Variants in GABRG3 observed in about 807,000 individuals in gnomAD.
GABRG3 encodes gamma-aminobutyric acid type A receptor subunit gamma3, also known as gamma-aminobutyric acid receptor subunit gamma-3.
In GABRG3, 25 loss-of-function variants were observed where a neutral mutation model predicts 48.8. The observed-to-expected ratio is 0.51, with a 90% CI of 0.37 to 0.72. The LOEUF is 0.72. Ranked by LOEUF, GABRG3 falls within the 30% of genes least tolerant of loss-of-function variation. GABRG3 has a pLI of 0.00. For synonymous variants in GABRG3, 227 were observed against 217.6 expected (o/e 1.04, Z -0.38); for missense variants, 394 against 577.9 (o/e 0.68, Z 3.26).
intron 5 of GABRG3, chr15:27,350,396 A>G (rs1894522191): frequency 9.6e-6 from 3 of 311,020 alleles, no homozygotes; most frequent in South Asian, 8.3e-5. Context: ...TTCAAAATCA[A>G]CTCGATATTT....
At chr15:27,195,217 T>G (rs879886878) in intron 3 of GABRG3, among the ~76,000 whole-genome samples, 6 of 152,248 alleles carry the variant, frequency 3.9e-5, no homozygotes, top group Non-Finnish European at 8.8e-5. Flanking sequence ...TTTCAGCATC[T>G]GTATCATCTT....
In GABRG3 at chr15:27,450,406, A is replaced by T. The variant is rs914469545; in HGVS notation, c.575-30244A>T. Among the ~76,000 whole-genome samples, 3 of 152,238 alleles carry T rather than the reference A, an allele frequency of 2.0e-5. No homozygotes were observed. The East Asian group carries it at 5.8e-4, about 29-fold the overall frequency. ...TATCCCAGGGCTCCAAGGATGGTTC[A>T]GTACATGCAAATCAATCCACATGAT... On this transcript the variant is annotated intron_variant, in intron 5 of 9. Coordinates refer to ENST00000615808, the MANE Select transcript of GABRG3 (RefSeq NM_033223.5).
chr15:27,274,716 T>C (rs1891198597), intron 3 of GABRG3, among the ~76,000 whole-genome samples: 1 of 152,180 alleles, frequency 6.6e-6, no homozygotes, highest in Non-Finnish European at 1.5e-5. Context: ...TCTACCCTCA[T>C]CTGATTTACC....
intron 3 of GABRG3, among the ~76,000 whole-genome samples, chr15:27,028,302 A>T (rs1298789628): frequency 6.6e-6 from 1 of 152,122 alleles, no homozygotes; most frequent in Non-Finnish European, 1.5e-5. Context: ...GTAACACAGG[A>T]GGACAGAGTG....
intron 3 of GABRG3, among the ~76,000 whole-genome samples, chr15:27,056,353 C>CAA (rs58665097): frequency 6.0e-4 from 34 of 56,814 alleles, no homozygotes; most frequent in Middle Eastern, 9.4e-3. Context: ...ACCCTGTCTC[C>CAA]AAAAAAAAAA....
intron 3 of GABRG3, among the ~76,000 whole-genome samples, chr15:27,285,554 C>T (rs1002350824): frequency 6.6e-6 from 1 of 151,866 alleles, no homozygotes; most frequent in African/African-American, 2.4e-5. Context: ...AAAGTTATAA[C>T]AAATAGAAAA....
chr15:27,478,789 G>T (rs1890023860), intron 5 of GABRG3, among the ~76,000 whole-genome samples: 1 of 152,184 alleles, frequency 6.6e-6, no homozygotes, highest in Non-Finnish European at 1.5e-5. Context: ...TGGTATATCT[G>T]TACAATAAAA....
intron 3 of GABRG3, among the ~76,000 whole-genome samples, chr15:27,286,134 C>G (rs928206386): frequency 2.0e-5 from 3 of 152,238 alleles, no homozygotes; most frequent in African/African-American, 7.2e-5. Context: ...ATTCAACTTT[C>G]ATTCACTCAT....
At chr15:27,409,039 T>C (rs1457730276) in intron 5 of GABRG3, among the ~76,000 whole-genome samples, 1 of 152,186 alleles carries the variant, frequency 6.6e-6, no homozygotes, top group Non-Finnish European at 1.5e-5. Context: ...GTCCTTTTTT[T>C]TTCTAAATAT....
intron 3 of GABRG3, among the ~76,000 whole-genome samples, chr15:27,151,754 C>T (rs2140396867): frequency 6.6e-6 from 1 of 152,282 alleles, no homozygotes; most frequent in East Asian, 1.9e-4. Context: ...GACTCAAGGA[C>T]TGCAGGAGGC....
At chr15:27,082,624 A>G (rs1008462072) in intron 3 of GABRG3, among the ~76,000 whole-genome samples, 2 of 152,236 alleles carry the variant, frequency 1.3e-5, no homozygotes, top group African/African-American at 4.8e-5. Context: ...ATTCAAGATC[A>G]CGATAAAACC....
At chr15:27,048,928 C>A (rs969794269) in intron 3 of GABRG3, among the ~76,000 whole-genome samples, 6 of 152,236 alleles carry the variant, frequency 3.9e-5, no homozygotes, top group African/African-American at 1.4e-4. Flanking sequence ...CAGGTCCTGA[C>A]TTTCCTTCAG....
chr15:27,257,215 G>C (rs1566982689), intron 3 of GABRG3, among the ~76,000 whole-genome samples: 1 of 151,510 alleles, frequency 6.6e-6, no homozygotes, highest in Admixed American at 6.6e-5. Flanking sequence ...TTTTTGAGAG[G>C]TGTCTCTTTA....
Position 27,478,203 on chromosome 15 carries a change from C to T in GABRG3, c.575-2447C>T, listed in dbSNP as rs532394338. ...ATTACCACAATAAAAAAATTCCAGT[C>T]GCTTCAAAAGAAAAGATGAACCACA... On this transcript the variant is annotated intron_variant, in intron 5 of 9. Coordinates refer to ENST00000615808, the MANE Select transcript of GABRG3 (RefSeq NM_033223.5). Among the ~76,000 whole-genome samples the T allele has an allele frequency of 4.6e-5, 7 of 152,168 alleles. No homozygotes were observed. In the East Asian group the frequency reaches 5.8e-4, roughly 13 times the overall value.
At chr15:27,315,953 C>T (rs1012924245) in intron 3 of GABRG3, among the ~76,000 whole-genome samples, 1 of 152,150 alleles carries the variant, frequency 6.6e-6, no homozygotes, top group East Asian at 1.9e-4. Flanking sequence ...ATAATCATAA[C>T]CTGGGATGAG....
intron 5 of GABRG3, among the ~76,000 whole-genome samples, chr15:27,408,053 C>T (rs1887690135): frequency 6.6e-6 from 1 of 152,086 alleles, no homozygotes; most frequent in Non-Finnish European, 1.5e-5. Context: ...GTAGGGCCTC[C>T]ATGGGGTATC....
rs952487221 is a variant in GABRG3 at position 27,539,684 on chromosome 15, A to G, written c.*6803A>G. 3.3e-5 allele frequency: 5 copies of G among 152,166 alleles called. No individual in the cohort carries two copies. The highest frequency in any genetic ancestry group is 1.2e-4 in the African/African-American group (5 of 41,436). The allele number at this position is 152,166 out of a possible 1,614,324, so 9.4% of individuals were successfully genotyped here. ...ACAGAGCAGCACTTCTGTCACTCTC[A>G]TGGGGAGATCAGGGTACCCACTCCT... On this transcript the variant is annotated 3_prime_UTR_variant, in exon 10 of 10. Transcript: ENST00000615808.
intron 5 of GABRG3, among the ~76,000 whole-genome samples, chr15:27,411,661 T>G (rs1308954702): frequency 2.0e-5 from 3 of 152,172 alleles, no homozygotes; most frequent in African/African-American, 7.2e-5. Context: ...TGAGTCAGTT[T>G]TTTGCTTCTC....
chr15:27,479,859 G>C (rs1230832197), intron 5 of GABRG3, among the ~76,000 whole-genome samples: 1 of 152,240 alleles, frequency 6.6e-6, no homozygotes, highest in African/African-American at 2.4e-5. Flanking sequence ...CCAGGTCAAA[G>C]AGCTCCAGCA....
Sources: allele counts gnomAD v4.1 joint callset (sites outside exome capture counted in the v4.1 genomes callset), GRCh38; gene constraint gnomAD v4.1.1; transcripts MANE v1.5; gene names NCBI Gene and HGNC (gene_info 2026-07-23, HGNC 2026-07-21).